The following DCUN1D5 variants were observed in gnomAD, a reference collection of about 807,000 sequenced individuals.
The protein encoded by DCUN1D5 is DCN1-like protein 5.
In DCUN1D5, 10 loss-of-function variants were observed where a neutral mutation model predicts 38.3. The ratio of observed to expected loss-of-function variants is 0.26; its 90% CI spans 0.16 to 0.44. The LOEUF is 0.44. Ranked by LOEUF, DCUN1D5 falls within the 20% of genes least tolerant of loss-of-function variation. DCUN1D5 has a pLI of 1.00. For synonymous variants in DCUN1D5, 93 were observed against 90.9 expected (o/e 1.02, Z -0.13); for missense variants, 148 against 275.3 (o/e 0.54, Z 3.27).
Position 103,091,924 on chromosome 11 carries a change from G to T in DCUN1D5, c.-52C>A. 6.5e-7 allele frequency: 1 copy of T among 1,544,042 alleles called. No individual in the cohort carries two copies. Among genetic ancestry groups the T allele is most frequent in the Non-Finnish European group, 8.8e-7 (1 of 1,134,382 alleles). On this transcript the variant is annotated 5_prime_UTR_variant, in exon 1 of 8. Transcript: ENST00000260247. The surrounding 1 kb of genome is among the most constrained non-coding windows in gnomAD (Gnocchi z 4.3). ...AGGGGAGCCGGGGAAGGGGGTCCCT[G>T]TCCGCTGGAAGCCCCTCAGCGCTGG...
At chr11:103,089,974 A>C (rs1427066944) in intron 1 of DCUN1D5, among the ~76,000 whole-genome samples, 1 of 152,148 alleles carries the variant, frequency 6.6e-6, no homozygotes, top group Non-Finnish European at 1.5e-5. Context: ...TGTTTTTCAT[A>C]AAATAACTAA....
rs914911933 is a variant in DCUN1D5, at chr11:103,058,820, G to A, written c.*3539C>T. ...TGATTTCTAATGTCACTCAAAAAGT[G>A]GTATTTCCTCAAGAGGGAAGGATTC... On this transcript the variant is annotated 3_prime_UTR_variant, in exon 8 of 8. Coordinates refer to ENST00000260247, the MANE Select transcript of DCUN1D5 (RefSeq NM_032299.4). 1.3e-5 allele frequency among the ~76,000 whole-genome samples: 2 copies of A among 151,894 alleles called. No individual in the cohort carries two copies. The highest frequency in any genetic ancestry group is 2.4e-5 in the African/African-American group (1 of 41,336).
chr11:103,066,821 A>G lies in DCUN1D5; in HGVS notation c.342-254T>C, dbSNP rs1422013212. On this transcript the variant is annotated intron_variant, in intron 4 of 7. Transcript: ENST00000260247. The surrounding 1 kb of genome is among the most constrained non-coding windows in gnomAD (Gnocchi z 4.7). Reference sequence around the variant, plus strand: ...GTTCACTCCAATTACTTTGCTTAAAAACAAACAAACAGCTCATTCAAAAAT... The same window carrying G: ...GTTCACTCCAATTACTTTGCTTAAAGACAAACAAACAGCTCATTCAAAAAT... Among the ~76,000 whole-genome samples the G allele has an allele frequency of 2.6e-5, 4 of 152,150 alleles. No homozygotes were observed. The highest frequency in any genetic ancestry group is 5.9e-5 in the Non-Finnish European group (4 of 67,984).
In DCUN1D5 at chr11:103,064,199, T is replaced by C. The variant is rs1358958353; in HGVS notation, c.658+76A>G. 1 of 1,098,472 alleles carries C rather than the reference T, an allele frequency of 9.1e-7. No homozygotes were observed. The highest frequency in any genetic ancestry group is 1.4e-6 in the Non-Finnish European group (1 of 736,232). The allele number at this position is 1,098,472 out of a possible 1,614,324, so 68.0% of individuals were successfully genotyped here. A position where few individuals can be genotyped will look rare whatever the true frequency, so the allele number is the denominator to read the frequency against. ...ACAAAGTTTAAAACCTCTATGCTAA[T>C]ACTACACAAATGCATACTCTCATTT... On this transcript the variant is annotated intron_variant, in intron 7 of 7. Transcript: ENST00000260247. The surrounding 1 kb of genome is among the most constrained non-coding windows in gnomAD (Gnocchi z 4.5).
intron 4 of DCUN1D5, among the ~76,000 whole-genome samples, chr11:103,074,915 AC>A (rs1285807043): frequency 1.3e-5 from 2 of 152,170 alleles, no homozygotes; most frequent in Admixed American, 6.6e-5. Context: ...TGATCACGGA[AC>A]CTTTTTCTGC....
chr11:103,057,823 A>G lies in DCUN1D5; in HGVS notation c.*4536T>C, dbSNP rs1276598774. On this transcript the variant is annotated 3_prime_UTR_variant, in exon 8 of 8. Transcript: ENST00000260247. The surrounding 1 kb of genome is among the most constrained non-coding windows in gnomAD (Gnocchi z 4.8). ...CTGGCTCTCTCTATATATTCACTTC[A>G]AGTATTTATTAGCTTTTTAAAATCC... Among the ~76,000 whole-genome samples, 1 of 152,204 alleles carries G rather than the reference A, an allele frequency of 6.6e-6. No individual in the cohort carries two copies. Among genetic ancestry groups the G allele is most frequent in the Admixed American group, 6.5e-5 (1 of 15,274 alleles).
Position 103,053,849 on chromosome 11 carries a change from G to T in DCUN1D5, c.*8510C>A, listed in dbSNP as rs1401772496. 1 of 151,964 alleles carries T rather than the reference G, an allele frequency of 6.6e-6. No homozygotes were observed. The highest frequency in any genetic ancestry group is 1.9e-4 in the East Asian group (1 of 5,192). The allele number at this position is 151,964 out of a possible 1,614,324, so 9.4% of individuals were successfully genotyped here. On this transcript the variant is annotated 3_prime_UTR_variant, in exon 8 of 8. Transcript: ENST00000260247. This position sits in a 1 kb window ranked among gnomAD's most constrained non-coding sequence, Gnocchi z 4.8. Reference sequence around the variant, plus strand: ...ATTGAACACAAGTCCATCCTATGAGGTTCAATTGATGTTTTTCCAGATAGC... The same window carrying T: ...ATTGAACACAAGTCCATCCTATGAGTTTCAATTGATGTTTTTCCAGATAGC...
chr11:103,072,228 G>C (rs1182690137), intron 4 of DCUN1D5, among the ~76,000 whole-genome samples: 1 of 151,890 alleles, frequency 6.6e-6, no homozygotes, highest in East Asian at 1.9e-4. Context: ...TCAAAAAAAA[G>C]AAATAGGAGA....
chr11:103,084,755 C>T (rs534097686), intron 2 of DCUN1D5, among the ~76,000 whole-genome samples: 66 of 151,946 alleles, frequency 4.3e-4, no homozygotes, highest in African/African-American at 1.4e-3. Context: ...TTTGGGAGGC[C>T]GAGGTGGGAT....
chr11:103,091,030 G>A lies in DCUN1D5; in HGVS notation c.86+757C>T, dbSNP rs1433837211. Among the ~76,000 whole-genome samples the A allele has an allele frequency of 6.6e-6, 1 of 152,288 alleles. No individual in the cohort carries two copies. The highest frequency in any genetic ancestry group is 1.5e-5 in the Non-Finnish European group (1 of 68,020). ...TGATATGCTACAAGGGGATCAAAGA[G>A]CTACTACTATATAGTTCTGCCTTGT... On this transcript the variant is annotated intron_variant, in intron 1 of 7. Transcript: ENST00000260247. This position sits in a 1 kb window ranked among gnomAD's most constrained non-coding sequence, Gnocchi z 4.3.
At position 103,064,471 on chromosome 11, in the gene DCUN1D5, G is replaced by T; in HGVS notation, c.556-94C>A. On this transcript the variant is annotated intron_variant, in intron 6 of 7. Transcript: ENST00000260247. This position sits in a 1 kb window ranked among gnomAD's most constrained non-coding sequence, Gnocchi z 4.5. ...TAAGTTTTAACTGTTTTTGTGATTT[G>T]GTTTTTTCTAAAACATTTACTATTT... is the stretch of plus-strand genomic sequence containing the variant. The T allele has an allele frequency of 4.1e-5, 39 of 941,342 alleles. No individual in the cohort carries two copies. Among genetic ancestry groups the T allele is most frequent in the South Asian group, 2.2e-4 (10 of 45,146 alleles). 58.3% of individuals were successfully genotyped at this position (941,342 alleles called of 1,614,324 possible).
chr11:103,081,173 A>G (rs1395103490), intron 4 of DCUN1D5, among the ~76,000 whole-genome samples: 1 of 152,238 alleles, frequency 6.6e-6, no homozygotes, highest in Admixed American at 6.5e-5. Flanking sequence ...CATAAATAAG[A>G]AACTTTTAGA....
Position 103,060,174 on chromosome 11 carries a change from G to A in DCUN1D5, c.*2185C>T, listed in dbSNP as rs891800057. Among the ~76,000 whole-genome samples the A allele has an allele frequency of 3.3e-5, 5 of 152,118 alleles. No individual in the cohort carries two copies. Among genetic ancestry groups the A allele is most frequent in the Non-Finnish European group, 5.9e-5 (4 of 68,008 alleles). On this transcript the variant is annotated 3_prime_UTR_variant, in exon 8 of 8. Transcript: ENST00000260247. ...AGGCAAATGTTATAACTTTAAGAAG[G>A]TAAGAGAAATAGATGGAGCAATAGA...
At position 103,064,604 on chromosome 11, in the gene DCUN1D5, A is replaced by G. The variant is rs1031525184; in HGVS notation, c.556-227T>C. Among the ~76,000 whole-genome samples, 2 of 152,050 alleles carry G rather than the reference A, an allele frequency of 1.3e-5. No individual in the cohort carries two copies. The highest frequency in any genetic ancestry group is 2.9e-5 in the Non-Finnish European group (2 of 68,002). The stretch of plus-strand genomic sequence containing the variant: ...TTGAGGAATAATAAGAGCACTGAGT[A>G]CTAACAGTAAGGATAAAACTAACTT... On this transcript the variant is annotated intron_variant, in intron 6 of 7. Coordinates refer to ENST00000260247, the MANE Select transcript of DCUN1D5 (RefSeq NM_032299.4). The surrounding 1 kb of genome is among the most constrained non-coding windows in gnomAD (Gnocchi z 4.5).
At chr11:103,089,041 T>C (rs1043575381) in intron 2 of DCUN1D5, among the ~76,000 whole-genome samples, 186 bp downstream of exon 2, 1 of 152,196 alleles carries the variant, frequency 6.6e-6, no homozygotes. Context: ...CGAATATATA[T>C]TTAAAGAAAT....
At position 103,062,327 on chromosome 11, in the gene DCUN1D5, G is replaced by T; in HGVS notation, c.*32C>A. On this transcript the variant is annotated 3_prime_UTR_variant, in exon 8 of 8. Coordinates refer to ENST00000260247, the MANE Select transcript of DCUN1D5 (RefSeq NM_032299.4). The surrounding 1 kb of genome is among the most constrained non-coding windows in gnomAD (Gnocchi z 4.6). ...ATTAGCTTGTATACACGTGGGAATT[G>T]AAAGGTTTGCATTTTCTTCACATAG... 1 of 1,609,878 alleles carries T rather than the reference G, an allele frequency of 6.2e-7. No homozygotes were observed. Among genetic ancestry groups the T allele is most frequent in the Non-Finnish European group, 8.5e-7 (1 of 1,176,480 alleles).
At position 103,091,450 on chromosome 11, in the gene DCUN1D5, T is replaced by C. The variant is rs1281914907; in HGVS notation, c.86+337A>G. ...AGTCTAGAAAAAGGCAGAGGAGCGA[T>C]ACGGGAGTAGGGGATCGAGGGTCGG... On this transcript the variant is annotated intron_variant, in intron 1 of 7. Coordinates refer to ENST00000260247, the MANE Select transcript of DCUN1D5 (RefSeq NM_032299.4). This position sits in a 1 kb window ranked among gnomAD's most constrained non-coding sequence, Gnocchi z 4.3. 1.2e-5 allele frequency: 3 copies of C among 257,148 alleles called. No individual in the cohort carries two copies. The highest frequency in any genetic ancestry group is 2.1e-5 in the Non-Finnish European group (3 of 142,212). The allele number at this position is 257,148 out of a possible 1,614,324, so 15.9% of individuals were successfully genotyped here. A position where few individuals can be genotyped will look rare whatever the true frequency, so the allele number is the denominator to read the frequency against.
In DCUN1D5 at chr11:103,091,509, A is replaced by C; in HGVS notation, c.86+278T>G. ...TGGGGGTGGGGGTGGGGGGAAGCGCAATTTACATATGCATCTGTTCCCCAC... is the reference window on the plus strand; with the variant it reads ...TGGGGGTGGGGGTGGGGGGAAGCGCCATTTACATATGCATCTGTTCCCCAC... On this transcript the variant is annotated intron_variant, in intron 1 of 7. Coordinates refer to ENST00000260247, the MANE Select transcript of DCUN1D5 (RefSeq NM_032299.4). The surrounding 1 kb of genome is among the most constrained non-coding windows in gnomAD (Gnocchi z 4.3). 2.4e-6 allele frequency: 1 copy of C among 421,194 alleles called. No individual in the cohort carries two copies. Among genetic ancestry groups the C allele is most frequent in the South Asian group, 2.3e-5 (1 of 42,808 alleles). The allele number at this position is 421,194 out of a possible 1,614,324, so 26.1% of individuals were successfully genotyped here. A position where few individuals can be genotyped will look rare whatever the true frequency, so the allele number is the denominator to read the frequency against.
In DCUN1D5 at chr11:103,052,442, G is replaced by T. The variant is rs1032131700; in HGVS notation, c.*9917C>A. On this transcript the variant is annotated 3_prime_UTR_variant, in exon 8 of 8. Coordinates refer to ENST00000260247, the MANE Select transcript of DCUN1D5 (RefSeq NM_032299.4). ...TACCTATTATGTGGTGGAAACAAGT[G>T]AGGAACACCTATGAATAACATGGTC... 3.3e-5 allele frequency: 5 copies of T among 152,132 alleles called. No individual in the cohort carries two copies. The highest frequency in any genetic ancestry group is 7.4e-5 in the Non-Finnish European group (5 of 68,012). The allele number at this position is 152,132 out of a possible 1,614,324, so 9.4% of individuals were successfully genotyped here.
Sources: gnomAD v4.1 joint callset for allele counts (sites outside exome capture counted in the v4.1 genomes callset) on GRCh38, gnomAD v4.1.1 for gene constraint, Gnocchi (gnomAD v3.1) non-coding constraint, MANE v1.5 for transcripts, NCBI Gene and HGNC (gene_info 2026-07-23, HGNC 2026-07-21) for gene names.